Variants in UBE2K observed in about 807,000 individuals in gnomAD.
UBE2K encodes ubiquitin conjugating enzyme E2 K.
In UBE2K, 6 loss-of-function variants were observed where a neutral mutation model predicts 30.0. The ratio of observed to expected loss-of-function variants is 0.20; its 90% CI spans 0.11 to 0.39. The LOEUF (loss-of-function observed/expected upper bound fraction) is 0.39, where lower values mean the gene tolerates loss of function less well. Among genes scored for constraint, UBE2K ranks in the 10% least tolerant of loss-of-function variants. UBE2K has a pLI of 1.00. For missense variants in UBE2K, 61 were observed against 241.6 expected (o/e 0.25, Z 4.96); for synonymous variants, 86 against 83.7 (o/e 1.03, Z -0.15).
chr4:39,777,620 GC>G, intron 5 of UBE2K, 61 bp from the exon 6 acceptor site: 1 of 1,409,934 alleles, frequency 7.1e-7, no homozygotes, highest in South Asian at 1.5e-5. Context: ...GCGATTAAGA[GC>G]TGAAATATAT....
intron 2 of UBE2K, 120 bp from the exon 3 acceptor site, chr4:39,745,632 C>T (rs1720950032): frequency 2.9e-6 from 2 of 685,296 alleles, no homozygotes; most frequent in Non-Finnish European, 4.8e-6. Context: ...TGGATTTCAA[C>T]TTTAAAATGA....
intron 4 of UBE2K, chr4:39,770,225 C>G: frequency 6.2e-7 from 1 of 1,611,450 alleles, no homozygotes; most frequent in Non-Finnish European, 8.5e-7. Context: ...GGTAGGGCTG[C>G]GCTCCCGAGT....
At chr4:39,776,213 G>A (rs1021780988) in intron 5 of UBE2K, among the ~76,000 whole-genome samples, 3 of 152,096 alleles carry the variant, frequency 2.0e-5, no homozygotes, top group African/African-American at 7.2e-5. Flanking sequence ...ACAGCCTTTG[G>A]AGTTTTTCTC....
chr4:39,702,209 T>C (rs575293209), intron 1 of UBE2K, among the ~76,000 whole-genome samples: 8 of 73,206 alleles, frequency 1.1e-4, no homozygotes, highest in African/African-American at 4.3e-4. Flanking sequence ...TGGTAACATT[T>C]TCTTTTCTTT....
chr4:39,747,866 G>C (rs1230724902), intron 3 of UBE2K, among the ~76,000 whole-genome samples: 3 of 150,952 alleles, frequency 2.0e-5, no homozygotes, highest in African/African-American at 7.3e-5. Flanking sequence ...CAGTGGCGCG[G>C]TCTCGGCTCA....
At chr4:39,711,244 G>C (rs1300616416) in intron 1 of UBE2K, among the ~76,000 whole-genome samples, 6 of 143,520 alleles carry the variant, frequency 4.2e-5, no homozygotes, top group African/African-American at 1.6e-4. Context: ...CTCACTGCAA[G>C]CTCTGCCTCC....
chr4:39,715,535 C>T (rs539702477), intron 1 of UBE2K, among the ~76,000 whole-genome samples: 63 of 152,032 alleles, frequency 4.1e-4, no homozygotes, highest in African/African-American at 1.5e-3. Context: ...GTCTCCAACT[C>T]CTGATCTCAA....
chr4:39,727,949 G>A (rs1719846100), intron 1 of UBE2K, among the ~76,000 whole-genome samples: 1 of 151,936 alleles, frequency 6.6e-6, no homozygotes, highest in Non-Finnish European at 1.5e-5. Context: ...GGCCAATGTG[G>A]TGAAACCCTG....
intron 1 of UBE2K, among the ~76,000 whole-genome samples, chr4:39,729,126 G>A (rs534656605): frequency 6.6e-6 from 1 of 151,674 alleles, no homozygotes; most frequent in Non-Finnish European, 1.5e-5. Flanking sequence ...GCACCACCAT[G>A]CCCCCAGCTA....
chr4:39,772,950 G>A (rs1465853010), intron 4 of UBE2K, among the ~76,000 whole-genome samples: 4 of 151,708 alleles, frequency 2.6e-5, no homozygotes, highest in African/African-American at 4.8e-5. Context: ...GCCTCCCAAA[G>A]TGTTGGGATT....
Position 39,779,315 on chromosome 4 carries a change from T to C in UBE2K, c.*881T>C, listed in dbSNP as rs1448310442. On this transcript the variant is annotated 3_prime_UTR_variant, in exon 7 of 7. Transcript: ENST00000261427. ...TAATGAAAGAACCCAACTTAGTTTT[T>C]CAGTGAATTTGACACCTATTTTTTA... The C allele has an allele frequency of 6.6e-6, 1 of 152,310 alleles. No homozygotes were observed. The highest frequency in any genetic ancestry group is 2.4e-5 in the African/African-American group (1 of 41,464). 9.4% of individuals were successfully genotyped at this position (152,310 alleles called of 1,614,324 possible). A position where few individuals can be genotyped will look rare whatever the true frequency, so the allele number is the denominator to read the frequency against.
At chr4:39,702,845 T>C (rs1718113246) in intron 1 of UBE2K, among the ~76,000 whole-genome samples, 1 of 152,044 alleles carries the variant, frequency 6.6e-6, no homozygotes, top group Non-Finnish European at 1.5e-5. Context: ...GGCTCTCCTG[T>C]GCATTGTGGG....
intron 3 of UBE2K, among the ~76,000 whole-genome samples, chr4:39,749,941 G>A (rs1312799983): frequency 6.6e-6 from 1 of 152,216 alleles, no homozygotes; most frequent in Non-Finnish European, 1.5e-5. Context: ...GCTCACGCCT[G>A]TAATCCCAGG....
intron 1 of UBE2K, among the ~76,000 whole-genome samples, chr4:39,733,271 C>T (rs1720179901): frequency 6.6e-6 from 1 of 150,818 alleles, no homozygotes; most frequent in African/African-American, 2.4e-5. Context: ...TTAGATACTA[C>T]ATTTTTTTCT....
chr4:39,733,377 AGGCTGCATGTAGTGGTGCAATCTC>A (rs1720186479), intron 1 of UBE2K, among the ~76,000 whole-genome samples: 1 of 134,042 alleles, frequency 7.5e-6, no homozygotes, highest in Admixed American at 9.2e-5. Flanking sequence ...TCTATCATCC[AGGCTGCATGTAGTGGTGCAATCTC>A]GGCTCACTGC....
At chr4:39,698,570 G>T (rs1365372362) in intron 1 of UBE2K, among the ~76,000 whole-genome samples, 180 bp downstream of exon 1, 5 of 152,066 alleles carry the variant, frequency 3.3e-5, no homozygotes, top group African/African-American at 9.7e-5. Context: ...CTCCCAGAGC[G>T]CTAGGATGGA....
intron 4 of UBE2K, chr4:39,771,188 G>C: frequency 1.2e-6 from 2 of 1,613,078 alleles, no homozygotes; most frequent in Non-Finnish European, 8.5e-7. Flanking sequence ...GAGAGAAGCA[G>C]GTCGGCCACG....
intron 4 of UBE2K, among the ~76,000 whole-genome samples, chr4:39,767,046 C>T (rs1465828840): frequency 6.6e-6 from 1 of 152,124 alleles, no homozygotes; most frequent in Non-Finnish European, 1.5e-5. Flanking sequence ...CCACTGCATG[C>T]GGCCAGGAGT....
intron 1 of UBE2K, among the ~76,000 whole-genome samples, chr4:39,712,416 C>G (rs1473627439): frequency 1.6e-5 from 2 of 121,802 alleles, no homozygotes; most frequent in Non-Finnish European, 3.4e-5. Flanking sequence ...AGGGTTTCTC[C>G]GTGTTTTTTT....
Sources: gnomAD v4.1 joint callset for allele counts (sites outside exome capture counted in the v4.1 genomes callset) on GRCh38, gnomAD v4.1.1 for gene constraint, MANE v1.5 for transcripts, NCBI Gene and HGNC (gene_info 2026-07-23, HGNC 2026-07-21) for gene names.